The following POT1 variants were observed in gnomAD, a reference collection of about 807,000 sequenced individuals.
POT1 encodes protection of telomeres protein 1.
In POT1, 47 loss-of-function variants were observed where a neutral mutation model predicts 78.5. That is an observed-to-expected ratio of 0.60 (90% CI 0.47 to 0.76). POT1 has a LOEUF of 0.76. Ranked by LOEUF, POT1 falls within the 30% of genes least tolerant of loss-of-function variation. The probability of loss-of-function intolerance (pLI) is 0.00; values close to 1 mark genes in which losing one functional copy is unlikely to be tolerated. For missense variants in POT1, 646 were observed against 749.9 expected, an observed-to-expected ratio of 0.86 and a Z score of 1.62; for synonymous variants, 259 against 260.7, an observed-to-expected ratio of 0.99 and a Z score of 0.06.
At chr7:124,919,729 G>T (rs140385835) in intron 2 of POT1, among the ~76,000 whole-genome samples, 24 of 152,260 alleles carry the variant, frequency 1.6e-4, no homozygotes, top group African/African-American at 5.3e-4. Flanking sequence ...TGATCTTCTA[G>T]CCTTCAGAAC....
intron 7 of POT1, among the ~76,000 whole-genome samples, chr7:124,868,208 C>T (rs1488798496): frequency 6.6e-6 from 1 of 152,024 alleles, no homozygotes; most frequent in Admixed American, 6.6e-5. Context: ...CCTTGCTCAA[C>T]CAAAGACAAC....
At chr7:124,929,442 A>C (rs1363368230) in intron 1 of POT1, 1 of 152,232 alleles carries the variant, frequency 6.6e-6, no homozygotes, top group Non-Finnish European at 1.5e-5. Flanking sequence ...AAATGAAGAA[A>C]CAAAAATTAC....
intron 15 of POT1, among the ~76,000 whole-genome samples, chr7:124,834,963 A>C (rs1318355310): frequency 6.6e-6 from 1 of 152,178 alleles, no homozygotes; most frequent in East Asian, 1.9e-4. Flanking sequence ...TAAAGCCGGA[A>C]ACCATCATTC....
rs192273923 is a variant in POT1, at chr7:124,926,532, G to A, written c.-227+2283C>T. 1.9e-3 allele frequency among the ~76,000 whole-genome samples: 292 copies of A among 152,012 alleles called. 1 individual carries two copies. The highest frequency in any genetic ancestry group is 6.8e-3 in the African/African-American group (281 of 41,478). On this transcript the variant is annotated intron_variant, in intron 2 of 18. Coordinates refer to ENST00000357628, the MANE Select transcript of POT1 (RefSeq NM_015450.3). Reference sequence around the variant, plus strand: ...ATGGAAAACAGTATAATGAGTTTTCGAATAACTAAAAATAGAACTACCATT... The same window carrying A: ...ATGGAAAACAGTATAATGAGTTTTCAAATAACTAAAAATAGAACTACCATT...
At position 124,825,363 on chromosome 7, in the gene POT1, A is replaced by C. The variant is rs1794605196; in HGVS notation, c.1687-6T>G. The C allele has an allele frequency of 1.3e-6, 2 of 1,581,470 alleles. No individual in the cohort carries two copies. The highest frequency in any genetic ancestry group is 1.7e-6 in the Non-Finnish European group (2 of 1,157,810). On this transcript the variant is annotated splice_region_variant and splice_polypyrimidine_tract_variant and intron_variant, in intron 17 of 18. Coordinates refer to ENST00000357628, the MANE Select transcript of POT1 (RefSeq NM_015450.3). ...GGAATCTGGAAGAATTTGTCCTTAA[A>C]AATGTTTCATGAGAGAAAAAAAAAG...
chr7:124,852,283 AT>A (rs1795329854), intron 10 of POT1, among the ~76,000 whole-genome samples: 1 of 152,232 alleles, frequency 6.6e-6, no homozygotes, highest in Non-Finnish European at 1.5e-5. Context: ...TGAAATTGAT[AT>A]AAAAGTAATA....
intron 3 of POT1, among the ~76,000 whole-genome samples, chr7:124,903,731 C>T (rs1463770794): frequency 6.6e-6 from 1 of 152,082 alleles, no homozygotes; most frequent in Non-Finnish European, 1.5e-5. Context: ...TCAATGAATC[C>T]AGGAGCTAGT....
At chr7:124,853,586 CAAG>C (rs1795370302) in intron 9 of POT1, 1 of 152,156 alleles carries the variant, frequency 6.6e-6, no homozygotes, top group South Asian at 2.1e-4. Context: ...ACTGTCATTA[CAAG>C]AATGCTAAGA....
chr7:124,845,060 C>T (rs1795132691), intron 12 of POT1, among the ~76,000 whole-genome samples: 1 of 152,036 alleles, frequency 6.6e-6, no homozygotes, highest in Non-Finnish European at 1.5e-5. Context: ...CCTCTAAATC[C>T]TCCAGTATGT....
At chr7:124,827,333 T>C (rs1794656007) in intron 16 of POT1, 28 bp from the exon 17 acceptor site, 2 of 1,320,542 alleles carry the variant, frequency 1.5e-6, no homozygotes, top group Non-Finnish European at 2.1e-6. Flanking sequence ...GATCAAACCA[T>C]ATGAGTCTGC....
intron 5 of POT1, among the ~76,000 whole-genome samples, chr7:124,893,131 G>T (rs1796411628): frequency 6.6e-6 from 1 of 151,316 alleles, no homozygotes; most frequent in South Asian, 2.1e-4. Flanking sequence ...ATTTGGTCAA[G>T]AAACTGTAGC....
chr7:124,856,211 T>C (rs1022548098), intron 9 of POT1, among the ~76,000 whole-genome samples: 5 of 152,206 alleles, frequency 3.3e-5, no homozygotes, highest in South Asian at 4.1e-4. Context: ...TTTAAACAGT[T>C]GTCTTGAAAG....
chr7:124,892,891 G>A (rs1392737794), intron 5 of POT1: 1 of 151,298 alleles, frequency 6.6e-6, no homozygotes, highest in Admixed American at 6.6e-5. Context: ...TTTTAAATAT[G>A]TACATCTTCA....
intron 8 of POT1, among the ~76,000 whole-genome samples, chr7:124,862,210 A>C (rs961376575): frequency 3.9e-5 from 6 of 152,168 alleles, no homozygotes; most frequent in African/African-American, 1.4e-4. Context: ...CTGCAGAGAG[A>C]AAATGTAGAC....
intron 9 of POT1, among the ~76,000 whole-genome samples, chr7:124,858,563 T>A (rs1562990626): frequency 6.6e-6 from 1 of 152,024 alleles, no homozygotes; most frequent in Admixed American, 6.6e-5. Context: ...ATTTAACAAT[T>A]TGTTAAACTA....
chr7:124,854,594 T>C (rs1795397416), intron 9 of POT1, among the ~76,000 whole-genome samples: 1 of 151,968 alleles, frequency 6.6e-6, no homozygotes, highest in Admixed American at 6.6e-5. Context: ...TACTCCTTCA[T>C]TCCCAAGGAT....
At chr7:124,834,471 C>G (rs1794844338) in intron 15 of POT1, among the ~76,000 whole-genome samples, 1 of 152,098 alleles carries the variant, frequency 6.6e-6, no homozygotes, top group African/African-American at 2.4e-5. Flanking sequence ...GACATTTACA[C>G]AGCCAACAAA....
intron 3 of POT1, among the ~76,000 whole-genome samples, chr7:124,910,592 CAG>C (rs909938524): frequency 1.3e-4 from 20 of 151,916 alleles, no homozygotes; most frequent in African/African-American, 4.1e-4. Flanking sequence ...GAAAAAGAAA[CAG>C]TGGTTTTTAC....
chr7:124,922,148 A>G (rs1217327304), intron 2 of POT1, among the ~76,000 whole-genome samples: 2 of 152,064 alleles, frequency 1.3e-5, no homozygotes, highest in African/African-American at 4.8e-5. Context: ...TCTATATCCA[A>G]TAAATATATC....
Sources: gnomAD v4.1 joint callset for allele counts (sites outside exome capture counted in the v4.1 genomes callset) on GRCh38, gnomAD v4.1.1 for gene constraint, MANE v1.5 for transcripts, NCBI Gene and HGNC (gene_info 2026-07-23, HGNC 2026-07-21) for gene names.